RUFY3: variants seen among roughly 807,000 people sequenced by gnomAD.
RUFY3 encodes the protein RUN and FYVE domain containing 3.
RUFY3 carries 34 observed loss-of-function variants against 84.0 expected under a neutral mutation model. That is an observed-to-expected ratio of 0.40 (90% CI 0.31 to 0.54). The LOEUF (loss-of-function observed/expected upper bound fraction) is 0.54. Ranked by LOEUF, RUFY3 falls within the 20% of genes least tolerant of loss-of-function variation. The pLI is 0.39. For missense variants in RUFY3, 507 were observed against 736.8 expected, an observed-to-expected ratio of 0.69 and a Z score of 3.61; for synonymous variants, 242 against 252.9, an observed-to-expected ratio of 0.96 and a Z score of 0.41.
chr4:70,721,589 C>G (rs1441320500), upstream of RUFY3, among the ~76,000 whole-genome samples: 1 of 151,746 alleles, frequency 6.6e-6, no homozygotes, highest in Non-Finnish European at 1.5e-5. Flanking sequence ...TATGCTTTAG[C>G]TTTTCTTAAA....
chr4:70,803,112 C>G, intron 16 of RUFY3, 129 bp downstream of exon 16: 2 of 630,330 alleles, frequency 3.2e-6, no homozygotes, highest in Non-Finnish European at 5.5e-6. Context: ...CTAACAATAC[C>G]CTGAACAAAT....
intron 1 of RUFY3, among the ~76,000 whole-genome samples, chr4:70,759,400 G>A (rs200514904): frequency 8.1e-5 from 11 of 136,164 alleles, no homozygotes; most frequent in South Asian, 7.1e-4. Context: ...GTGTGTGTGT[G>A]TATACCACAT....
Position 70,793,917 on chromosome 4 carries a change from T to A in RUFY3, c.1457+13T>A. 6.2e-7 allele frequency: 1 copy of A among 1,612,688 alleles called. No homozygotes were observed. The highest frequency in any genetic ancestry group is 1.3e-5 in the African/African-American group (1 of 74,892). On this transcript the variant is annotated intron_variant, in intron 13 of 17. Coordinates refer to ENST00000381006, the MANE Select transcript of RUFY3 (RefSeq NM_001037442.4). ...TCACCAGGCAGCGGTGAAGAGGGGG[T>A]AGCTTGAGCTGACAGGGTGGTCATG...
Position 70,800,189 on chromosome 4 carries a change from C to G in RUFY3, c.1606C>G (p.Leu536Val). 6.2e-7 allele frequency: 1 copy of G among 1,605,020 alleles called. No individual in the cohort carries two copies. The highest frequency in any genetic ancestry group is 8.5e-7 in the Non-Finnish European group (1 of 1,177,486). Residue 536 changes from leucine to valine, a missense_variant, in exon 15 of 18, where the codon CTG becomes GTG. By Grantham distance (32) the Leu-to-Val change is conservative. Coordinates refer to ENST00000381006, the MANE Select transcript of RUFY3 (RefSeq NM_001037442.4). ...GGAAAATGTTAAACTAAAAAAGCCC[C>G]TGGAAGAAAGCCACAGGTGTTTGTT... is the stretch of plus-strand genomic sequence containing the variant. Reference protein sequence around the residue: ...QEENVKLKKPLEESHRLQPHP... With the variant: ...QEENVKLKKPVEESHRLQPHP...
chr4:70,724,970 C>T (rs76741683), intron 1 of RUFY3, among the ~76,000 whole-genome samples: 41 of 152,252 alleles, frequency 2.7e-4, no homozygotes, highest in East Asian at 5.8e-4. Flanking sequence ...GATGTCTGGA[C>T]GCGGGAGTAT....
chr4:70,786,387 T>G lies in RUFY3; in HGVS notation c.1071+1508T>G, dbSNP rs866437565. Among the ~76,000 whole-genome samples, 200 of 108,898 alleles carry G rather than the reference T, an allele frequency of 1.8e-3. 1 individual carries two copies. The Middle Eastern group carries it at 0.021, about 12-fold the overall frequency. 71.4% of individuals were successfully genotyped at this position (108,898 alleles called of 152,430 possible). A position where few individuals can be genotyped will look rare whatever the true frequency, so the allele number is the denominator to read the frequency against. On this transcript the variant is annotated intron_variant, in intron 10 of 17. Coordinates refer to ENST00000381006, the MANE Select transcript of RUFY3 (RefSeq NM_001037442.4). ...ATTTTAATATAGTTAGAAGAAAGGTTTTTTTTTTTCTTTTTTTTTATTGAT... is the reference window on the plus strand; with the variant it reads ...ATTTTAATATAGTTAGAAGAAAGGTGTTTTTTTTTCTTTTTTTTTATTGAT...
intron 3 of RUFY3, among the ~76,000 whole-genome samples, chr4:70,763,998 G>A (rs1202170337): frequency 2.6e-5 from 4 of 152,182 alleles, no homozygotes; most frequent in African/African-American, 9.7e-5. Context: ...CAGTGGGTTT[G>A]AGAGTCAAGA....
At chr4:70,704,850 C>A in exon 1 of RUFY3, 2 of 873,394 alleles carry the variant, frequency 2.3e-6, no homozygotes, top group Non-Finnish European at 1.5e-6. Flanking sequence ...GCGGACGGGA[C>A]GGGGCGGCGG....
chr4:70,703,900 C>CT (rs1739961933), upstream of RUFY3: 1 of 152,220 alleles, frequency 6.6e-6, no homozygotes, highest in African/African-American at 2.4e-5. Context: ...GTCAACATGG[C>CT]TTCTATGCCA....
intron 1 of RUFY3, among the ~76,000 whole-genome samples, chr4:70,746,483 G>A (rs1375897770): frequency 1.3e-5 from 2 of 150,616 alleles, no homozygotes; most frequent in East Asian, 3.9e-4. Flanking sequence ...TTCCAGCCTG[G>A]GTGACTGAGC....
intron 1 of RUFY3, among the ~76,000 whole-genome samples, chr4:70,710,706 C>G (rs1156558212): frequency 6.6e-6 from 1 of 151,746 alleles, no homozygotes; most frequent in Non-Finnish European, 1.5e-5. Context: ...AACAGTATAC[C>G]TGGTCAGGAA....
intron 1 of RUFY3, among the ~76,000 whole-genome samples, chr4:70,746,232 T>C (rs1318388834): frequency 6.6e-6 from 1 of 151,598 alleles, no homozygotes; most frequent in Admixed American, 6.6e-5. Context: ...GTAATCCCAG[T>C]TCCTGGGAGT....
chr4:70,791,141 C>G (rs1730748797), intron 12 of RUFY3: 1 of 1,135,624 alleles, frequency 8.8e-7, no homozygotes, highest in South Asian at 1.3e-5. Flanking sequence ...ATTAAGCTGA[C>G]TTATTCTCTT....
intron 1 of RUFY3, among the ~76,000 whole-genome samples, chr4:70,761,206 G>C (rs1015309131): frequency 2.0e-5 from 3 of 152,196 alleles, no homozygotes; most frequent in Non-Finnish European, 2.9e-5. Flanking sequence ...GGTAAAGAGA[G>C]CATTAGCTTT....
chr4:70,722,447 T>C lies in RUFY3; in HGVS notation c.-127T>C, dbSNP rs1189034917. 7.2e-7 allele frequency: 1 copy of C among 1,387,150 alleles called. No individual in the cohort carries two copies. Among genetic ancestry groups the C allele is most frequent in the African/African-American group, 1.4e-5 (1 of 69,286 alleles). The allele number at this position is 1,387,150 out of a possible 1,614,324, so 85.9% of individuals were successfully genotyped here. ...TTTTTTTAAACCTCCCCCACCCTTT[T>C]CCTGAAAGCTTTGTTTCAGAGCTTT... On this transcript the variant is annotated 5_prime_UTR_variant, in exon 1 of 18. Transcript: ENST00000381006.
upstream of RUFY3, among the ~76,000 whole-genome samples, chr4:70,717,387 A>G (rs1741742231): frequency 2.0e-5 from 3 of 152,226 alleles, no homozygotes; most frequent in South Asian, 6.2e-4. Context: ...AGAAAAGTCC[A>G]TACTGGGTTC....
rs1428603992 is a variant in RUFY3 at position 70,789,515 on chromosome 4, A to G, written c.1260A>G (p.Lys420=). ...FKLQSSDLGV[K]QKSELNSRLE... is the part of the protein sequence containing the mutation. ...AACAGAGTTCAGACTTAGGAGTAAA[A>G]CAGAAAAGTGAACTAAACAGTCGCT... Residue 420 remains lysine, a synonymous_variant, in exon 12 of 18, where the codon AAA becomes AAG. Transcript: ENST00000381006. 2 of 1,612,724 alleles carry G rather than the reference A, an allele frequency of 1.2e-6. No individual in the cohort carries two copies. Among genetic ancestry groups the G allele is most frequent in the Non-Finnish European group, 1.7e-6 (2 of 1,179,298 alleles).
intron 1 of RUFY3, chr4:70,705,369 C>A: frequency 1.8e-6 from 2 of 1,101,492 alleles, no homozygotes; most frequent in Non-Finnish European, 2.4e-6. Flanking sequence ...CCGGCCCCCG[C>A]GGAGCTCCGC....
intron 1 of RUFY3, among the ~76,000 whole-genome samples, chr4:70,706,518 C>G (rs1413170600): frequency 6.6e-6 from 1 of 152,190 alleles, no homozygotes; most frequent in African/African-American, 2.4e-5. Flanking sequence ...CAAGTAACAG[C>G]TTAAGAGAAG....
Sources: allele counts gnomAD v4.1 joint callset (sites outside exome capture counted in the v4.1 genomes callset), GRCh38; gene constraint gnomAD v4.1.1; transcripts MANE v1.5; gene names NCBI Gene and HGNC (gene_info 2026-07-23, HGNC 2026-07-21).